Variants in AKAP13 observed in about 807,000 individuals in gnomAD.
AKAP13 encodes the protein A-kinase anchor protein 13.
In AKAP13, 80 loss-of-function variants were observed where a neutral mutation model predicts 264.5. The observed-to-expected ratio is 0.30, with a 90% CI of 0.25 to 0.36. The LOEUF is 0.36. Among genes scored for constraint, AKAP13 ranks in the 10% least tolerant of loss-of-function variants. AKAP13 has a pLI of 1.00. For synonymous variants in AKAP13, 1,380 were observed against 1,250.2 expected (o/e 1.10, Z -2.19); for missense variants, 3,712 against 3,435.2 (o/e 1.08, Z -2.01).
chr15:85,622,374 G>A (rs182904348), intron 8 of AKAP13, among the ~76,000 whole-genome samples: 2 of 152,212 alleles, frequency 1.3e-5, no homozygotes, highest in South Asian at 2.1e-4. Flanking sequence ...AGAATGAACA[G>A]TGAATACAGG....
chr15:85,675,030 T>C (rs2084148143), intron 14 of AKAP13, among the ~76,000 whole-genome samples: 1 of 152,156 alleles, frequency 6.6e-6, no homozygotes, highest in African/African-American at 2.4e-5. Context: ...TTTAATTCAA[T>C]TACCTTGTAA....
chr15:85,488,361 T>A (rs2075626489), intron 2 of AKAP13, among the ~76,000 whole-genome samples: 1 of 152,216 alleles, frequency 6.6e-6, no homozygotes, highest in East Asian at 1.9e-4. Context: ...TGTCTATACA[T>A]AGAGATATGT....
intron 1 of AKAP13, among the ~76,000 whole-genome samples, chr15:85,483,637 A>AAAAAAAAAC (rs2075421726): frequency 7.5e-6 from 1 of 132,938 alleles, no homozygotes; most frequent in Non-Finnish European, 1.6e-5. Flanking sequence ...CGTCTCAAAA[A>AAAAAAAAAC]AAAAAAAAAA....
chr15:85,571,141 A>G (rs2078804727), intron 5 of AKAP13, among the ~76,000 whole-genome samples: 1 of 152,218 alleles, frequency 6.6e-6, no homozygotes, highest in South Asian at 2.1e-4. Flanking sequence ...TAAAAGGATT[A>G]CTGAGCAGCA....
Position 85,645,835 on chromosome 15 carries a change from G to C in AKAP13, c.4255G>C (p.Asp1419His), listed in dbSNP as rs146588510. ...TTTTTCAGAATGTGAGAACTTCCTG[G>C]ATGTTGGACTGGGCAGAGAGTGTAC... ...KQSPECENFL[D>H]VGLGRECTSK... The change falls in exon 10 of 37, where the codon GAT becomes CAT. Residue 1419 changes from aspartate (D) to histidine (H), a missense_variant. Around this residue, in one of 3 missense-constraint regions of AKAP13, gnomAD observed 2,759 missense variants for 2,411.7 expected, o/e 1.14. Transcript: ENST00000394518. 116 of 1,606,118 alleles carry C rather than the reference G, an allele frequency of 7.2e-5. No individual in the cohort carries two copies. The highest frequency in any genetic ancestry group is 9.5e-5 in the Non-Finnish European group (112 of 1,177,628).
intron 1 of AKAP13, among the ~76,000 whole-genome samples, chr15:85,406,325 A>G (rs1051031206): frequency 6.6e-6 from 1 of 151,538 alleles, no homozygotes; most frequent in Non-Finnish European, 1.5e-5. Flanking sequence ...ATGACATTGT[A>G]TGGTTTTATG....
At chr15:85,651,947 CA>C (rs1180214639) in intron 10 of AKAP13, among the ~76,000 whole-genome samples, 1 of 152,240 alleles carries the variant, frequency 6.6e-6, no homozygotes, top group Non-Finnish European at 1.5e-5. Context: ...TACCATTTTA[CA>C]TTTTCACCAG....
chr15:85,543,959 A>G lies in AKAP13; in HGVS notation c.662+4A>G, dbSNP rs778853820. 1 of 1,611,424 alleles carries G rather than the reference A, an allele frequency of 6.2e-7. No homozygotes were observed. ...AGCTGCACCAGCTTCTAACCGAGTA[A>G]GTGCTCCTTCTGCCTTATTTCCCTC... is the stretch of plus-strand genomic sequence containing the variant. On this transcript the variant is annotated splice_donor_region_variant and intron_variant, in intron 5 of 36. Transcript: ENST00000394518.
chr15:85,614,339 A>G (rs981729555), intron 8 of AKAP13, among the ~76,000 whole-genome samples: 6 of 152,348 alleles, frequency 3.9e-5, no homozygotes, highest in Middle Eastern at 3.4e-3. Context: ...AGATCAGTGT[A>G]TCTGTTCATT....
chr15:85,626,323 A>G (rs541786295), intron 8 of AKAP13, among the ~76,000 whole-genome samples: 2 of 152,238 alleles, frequency 1.3e-5, no homozygotes, highest in African/African-American at 2.4e-5. Flanking sequence ...TCACATTGTT[A>G]TATAACCATC....
intron 3 of AKAP13, among the ~76,000 whole-genome samples, 161 bp downstream of exon 3, chr15:85,521,736 A>G (rs2076830611): frequency 6.6e-6 from 1 of 152,186 alleles, no homozygotes; most frequent in Non-Finnish European, 1.5e-5. Context: ...CTGGTATTGG[A>G]ACAGATTGCC....
At chr15:85,627,227 C>A (rs1246675773) in intron 8 of AKAP13, among the ~76,000 whole-genome samples, 1 of 152,152 alleles carries the variant, frequency 6.6e-6, no homozygotes, top group Non-Finnish European at 1.5e-5. Flanking sequence ...CCTTGTGTAA[C>A]CATTTGCAGG....
chr15:85,727,589 C>G lies in AKAP13; in HGVS notation c.7087+126C>G, dbSNP rs2087692076. 1.0e-6 allele frequency: 1 copy of G among 961,716 alleles called. No homozygotes were observed. The highest frequency in any genetic ancestry group is 2.6e-5 in the East Asian group (1 of 38,314). 59.6% of individuals were successfully genotyped at this position (961,716 alleles called of 1,614,324 possible). ...AGCTGCCCCAGCAGGCACTTGAAAG[C>G]AGCAAAATGAATAGCTGTTAACAAA... is the stretch of plus-strand genomic sequence containing the variant. On this transcript the variant is annotated intron_variant, in intron 29 of 36. Coordinates refer to ENST00000394518, the MANE Select transcript of AKAP13 (RefSeq NM_007200.5). This position sits in a 1 kb window ranked among gnomAD's most constrained non-coding sequence, Gnocchi z 5.3.
intron 25 of AKAP13, 21 bp downstream of exon 25, chr15:85,722,368 G>T (rs754324453): frequency 5.1e-6 from 8 of 1,579,874 alleles, no homozygotes; most frequent in Non-Finnish European, 6.9e-6. Flanking sequence ...TTTCTAACTC[G>T]GTCTTGTATG....
In AKAP13 at chr15:85,715,823, C is replaced by G; in HGVS notation, c.5635C>G (p.Leu1879Val). 6.2e-7 allele frequency: 1 copy of G among 1,613,114 alleles called. No homozygotes were observed. The highest frequency in any genetic ancestry group is 8.5e-7 in the Non-Finnish European group (1 of 1,179,846). Residue 1879 changes from leucine to valine, a missense_variant, in exon 20 of 37, where the codon CTC becomes GTC. By Grantham distance (32) the Leu-to-Val change is conservative (BLOSUM62 1). Around this residue, in one of 3 missense-constraint regions of AKAP13, gnomAD observed 2,759 missense variants for 2,411.7 expected, o/e 1.14. Transcript: ENST00000394518. The part of the protein sequence containing the change: ...QPKERPRSAV[L>V]LVDETATTPI... ...CAAGGAGCGTCCTCGGTCCGCAGTC[C>G]TCCTGGTGGATGAAACCGCTACCAC...
chr15:85,736,450 TTTGA>T (rs1289551136), intron 33 of AKAP13, among the ~76,000 whole-genome samples: 1 of 150,004 alleles, frequency 6.7e-6, no homozygotes, highest in Non-Finnish European at 1.5e-5. Context: ...TGTTTGTTTG[TTTGA>T]GATGGGGTCT....
chr15:85,739,236 G>A (rs930268738), intron 33 of AKAP13, among the ~76,000 whole-genome samples: 2 of 152,146 alleles, frequency 1.3e-5, no homozygotes, highest in Non-Finnish European at 2.9e-5. Context: ...GCAGTGCTTG[G>A]TACTACCCAT....
At chr15:85,663,307 C>G (rs1007511215) in intron 12 of AKAP13, among the ~76,000 whole-genome samples, 5 of 85,290 alleles carry the variant, frequency 5.9e-5, no homozygotes, top group African/African-American at 2.3e-4. Context: ...GAGGCTCTGT[C>G]TCAAAAAAAA....
chr15:85,415,563 G>A, intron 1 of AKAP13: 1 of 1,439,354 alleles, frequency 6.9e-7, no homozygotes, highest in Non-Finnish European at 9.7e-7. Context: ...AAAATTGAAA[G>A]ATGGGAAATT....
Sources: gnomAD v4.1 joint callset for allele counts (sites outside exome capture counted in the v4.1 genomes callset) on GRCh38, gnomAD v4.1.1 for gene constraint, gnomAD v4.1.1 regional missense constraint, Gnocchi (gnomAD v3.1) non-coding constraint, MANE v1.5 for transcripts, NCBI Gene and HGNC (gene_info 2026-07-23, HGNC 2026-07-21) for gene names.